Variants in ARHGAP20 observed in about 807,000 individuals in gnomAD.
ARHGAP20 encodes the protein rho GTPase-activating protein 20.
Under a neutral mutation model 73.7 loss-of-function variants are expected in ARHGAP20, and 34 were observed. The observed-to-expected ratio is 0.46, with a 90% CI of 0.35 to 0.61. The LOEUF (loss-of-function observed/expected upper bound fraction) is 0.61, where lower values mean the gene tolerates loss of function less well. Ranked by LOEUF, ARHGAP20 falls within the 20% of genes least tolerant of loss-of-function variation. The pLI is 0.00. For missense variants in ARHGAP20, 1,314 were observed against 1,420.9 expected, an observed-to-expected ratio of 0.92 and a Z score of 1.21; for synonymous variants, 523 against 518.2, an observed-to-expected ratio of 1.01 and a Z score of -0.13.
chr11:110,638,965 C>T (rs772189345), intron 2 of ARHGAP20, among the ~76,000 whole-genome samples: 3 of 151,860 alleles, frequency 2.0e-5, no homozygotes, highest in Non-Finnish European at 4.4e-5. Flanking sequence ...CTAACCTGCA[C>T]GTTGTGCACA....
chr11:110,701,098 C>A (rs534124473), intron 1 of ARHGAP20, among the ~76,000 whole-genome samples: 3 of 151,562 alleles, frequency 2.0e-5, no homozygotes, highest in Non-Finnish European at 4.4e-5. Context: ...CCTTTGGGTA[C>A]ATACCCAGTA....
At chr11:110,651,491 GGAA>G (rs927826027) in intron 2 of ARHGAP20, among the ~76,000 whole-genome samples, 3 of 150,960 alleles carry the variant, frequency 2.0e-5, no homozygotes, top group African/African-American at 7.3e-5. Flanking sequence ...AGACTAACAT[GGAA>G]GAAGAGACAG....
At chr11:110,647,448 A>C (rs1313106722) in intron 2 of ARHGAP20, among the ~76,000 whole-genome samples, 1 of 152,110 alleles carries the variant, frequency 6.6e-6, no homozygotes, top group African/African-American at 2.4e-5. Flanking sequence ...GGTTTCCAAC[A>C]CTTCAGAAAG....
At chr11:110,661,491 C>T (rs1426605546) in intron 2 of ARHGAP20, among the ~76,000 whole-genome samples, 1 of 151,812 alleles carries the variant, frequency 6.6e-6, no homozygotes, top group Non-Finnish European at 1.5e-5. Context: ...ATTCAGTAAC[C>T]CTCTCATCAT....
chr11:110,665,976 TACAC>T (rs55687136), intron 2 of ARHGAP20, among the ~76,000 whole-genome samples: 48 of 150,322 alleles, frequency 3.2e-4, no homozygotes, highest in African/African-American at 1.0e-3. Flanking sequence ...AAGATACATA[TACAC>T]ACACACACAC....
intron 1 of ARHGAP20, among the ~76,000 whole-genome samples, chr11:110,710,099 G>T (rs191292403): frequency 6.6e-4 from 100 of 152,300 alleles, no homozygotes; most frequent in Non-Finnish European, 5.9e-5. Flanking sequence ...TTTTTGGCTT[G>T]AACAACTGGG....
At chr11:110,604,349 A>T (rs1024081040) in intron 9 of ARHGAP20, among the ~76,000 whole-genome samples, 2 of 152,158 alleles carry the variant, frequency 1.3e-5, no homozygotes, top group Non-Finnish European at 2.9e-5. Context: ...CTTACCATGA[A>T]TCATTTACAG....
At chr11:110,600,593 G>T (rs2134858451) in intron 9 of ARHGAP20, among the ~76,000 whole-genome samples, 1 of 152,344 alleles carries the variant, frequency 6.6e-6, no homozygotes, top group South Asian at 2.1e-4. Context: ...AGGCCTAGTG[G>T]GTGGAATGAA....
chr11:110,662,167 T>A (rs1280259419), intron 2 of ARHGAP20, among the ~76,000 whole-genome samples: 1 of 151,744 alleles, frequency 6.6e-6, no homozygotes, highest in Non-Finnish European at 1.5e-5. Context: ...CATAGTTGCT[T>A]ATATCAAAAA....
intron 2 of ARHGAP20, among the ~76,000 whole-genome samples, chr11:110,680,930 A>G (rs1461863034): frequency 6.6e-6 from 1 of 152,214 alleles, no homozygotes; most frequent in Non-Finnish European, 1.5e-5. Flanking sequence ...CTTATAAAGC[A>G]ATTGCTGTCT....
chr11:110,697,519 T>C (rs973264537), intron 1 of ARHGAP20, among the ~76,000 whole-genome samples: 2 of 151,946 alleles, frequency 1.3e-5, no homozygotes, highest in African/African-American at 4.8e-5. Context: ...TCTCCCATTC[T>C]GTAGGTTGTC....
intron 2 of ARHGAP20, among the ~76,000 whole-genome samples, chr11:110,631,444 T>G (rs1225436509): frequency 6.6e-6 from 1 of 152,194 alleles, no homozygotes; most frequent in Non-Finnish European, 1.5e-5. Context: ...AAAACCTCAC[T>G]AGTATCAAAC....
At chr11:110,707,010 C>T (rs1950562561) in intron 1 of ARHGAP20, among the ~76,000 whole-genome samples, 1 of 152,078 alleles carries the variant, frequency 6.6e-6, no homozygotes, top group Admixed American at 6.5e-5. Flanking sequence ...ACACATGGTC[C>T]AAGTTAGCCC....
chr11:110,682,433 G>C lies in ARHGAP20; in HGVS notation c.188+8114C>G, dbSNP rs566154317. Reference sequence around the variant, plus strand: ...CAAGATCACACATAGCTAGTAAGGGGAAGTACCAGGATTTAGACCTGGCAA... The same window carrying C: ...CAAGATCACACATAGCTAGTAAGGGCAAGTACCAGGATTTAGACCTGGCAA... On this transcript the variant is annotated intron_variant, in intron 2 of 14. Coordinates refer to ENST00000683387, the MANE Select transcript of ARHGAP20 (RefSeq NM_001384657.1). Among the ~76,000 whole-genome samples the C allele has an allele frequency of 2.0e-5, 3 of 152,238 alleles. No homozygotes were observed. The East Asian group carries it at 5.8e-4, about 29-fold the overall frequency.
At chr11:110,594,522 G>A (rs888159536) in intron 9 of ARHGAP20, among the ~76,000 whole-genome samples, 1 of 152,138 alleles carries the variant, frequency 6.6e-6, no homozygotes, top group African/African-American at 2.4e-5. Context: ...TACTCTCCAT[G>A]TGGTTTCACA....
intron 12 of ARHGAP20, among the ~76,000 whole-genome samples, chr11:110,584,951 A>ACG (rs1555082391): frequency 3.0e-4 from 28 of 93,830 alleles, no homozygotes; most frequent in African/African-American, 8.9e-4. Flanking sequence ...ATATGAATAT[A>ACG]TGAATATATG....
Position 110,579,355 on chromosome 11 carries a change from A to G in ARHGAP20, c.*15T>C. 1 of 1,562,932 alleles carries G rather than the reference A, an allele frequency of 6.4e-7. No individual in the cohort carries two copies. The highest frequency in any genetic ancestry group is 8.7e-7 in the Non-Finnish European group (1 of 1,149,246). Reference sequence around the variant, plus strand: ...CCCAGTTCCTGTTCTTGTGGACATCAGATTCTTACTATGCTTAAATGTCTT... The same window carrying G: ...CCCAGTTCCTGTTCTTGTGGACATCGGATTCTTACTATGCTTAAATGTCTT... On this transcript the variant is annotated 3_prime_UTR_variant, in exon 15 of 15. Transcript: ENST00000683387.
intron 1 of ARHGAP20, among the ~76,000 whole-genome samples, chr11:110,711,326 C>T (rs1950649388): frequency 1.6e-5 from 2 of 126,374 alleles, no homozygotes; most frequent in African/African-American, 6.1e-5. Context: ...GGATCCCTAT[C>T]CAGCCCGGCC....
At chr11:110,693,725 A>G (rs1950285348) in intron 1 of ARHGAP20, among the ~76,000 whole-genome samples, 1 of 151,974 alleles carries the variant, frequency 6.6e-6, no homozygotes, top group African/African-American at 2.4e-5. Flanking sequence ...TTTCTTGTTT[A>G]CAACTATGTG....
Sources: allele counts gnomAD v4.1 joint callset (sites outside exome capture counted in the v4.1 genomes callset), GRCh38; gene constraint gnomAD v4.1.1; transcripts MANE v1.5; gene names NCBI Gene and HGNC (gene_info 2026-07-23, HGNC 2026-07-21).